SLC2A5: variants seen among roughly 807,000 people sequenced by gnomAD.
SLC2A5 encodes solute carrier family 2 member 5.
In SLC2A5, 56 loss-of-function variants were observed where a neutral mutation model predicts 50.3. The ratio of observed to expected loss-of-function variants is 1.11; its 90% confidence interval spans 0.90 to 1.39. SLC2A5 has a LOEUF of 1.39. Ranked by LOEUF, SLC2A5 falls within the 40% of genes most tolerant of loss-of-function variation. The pLI is 0.00. For synonymous variants in SLC2A5, 269 were observed against 281.9 expected, an observed-to-expected ratio of 0.95 and a Z score of 0.46; for missense variants, 566 against 650.1, an observed-to-expected ratio of 0.87 and a Z score of 1.41.
rs759519221 is a variant in SLC2A5, at chr1:9,040,179, G to C, written c.582C>G (p.Ile194Met). 2.7e-5 allele frequency: 42 copies of C among 1,550,428 alleles called. No individual in the cohort carries two copies. Among genetic ancestry groups the C allele is most frequent in the Non-Finnish European group, 3.3e-5 (38 of 1,148,264 alleles). Residue 194 changes from isoleucine to methionine, a missense_variant, in exon 6 of 12, where the codon ATC (isoleucine) becomes ATG (methionine). By Grantham distance (10) the Ile-to-Met change is conservative (BLOSUM62 1). Coordinates refer to ENST00000377424, the MANE Select transcript of SLC2A5 (RefSeq NM_003039.3). The surrounding 1 kb of genome is among the most constrained non-coding windows in gnomAD (Gnocchi z 4.3). The part of the protein sequence containing the change: ...NLLANVDGWP[I>M]LLGLTGVPAA... ...CGGGGACCCCGGTCAGCCCCAGCAGGATCGGCCAGCCTGGGAGGAAGGCAG... is the reference window on the plus strand; with the variant it reads ...CGGGGACCCCGGTCAGCCCCAGCAGCATCGGCCAGCCTGGGAGGAAGGCAG...
chr1:9,038,919 AC>A lies in SLC2A5; in HGVS notation c.1006del (p.Val336TrpfsTer19), dbSNP rs757183051. ...CAGCAGCCTCCGACCCAGGAGCTCC[AC>A]CACGAACACCTACAGGAGGGTGGCA... is the stretch of plus-strand genomic sequence containing the variant. ...VVMTFCAVFV[V>X]ELLGRRLLLL... On this transcript the variant is annotated frameshift_variant, in exon 9 of 12. Transcript: ENST00000377424. LOFTEE classifies it high-confidence loss of function. 4.3e-6 allele frequency: 7 copies of A among 1,612,486 alleles called. No individual in the cohort carries two copies. In the South Asian group the frequency reaches 7.7e-5, roughly 18 times the overall value.
intron 1 of SLC2A5, among the ~76,000 whole-genome samples, chr1:9,059,703 A>T (rs1641858921): frequency 6.6e-6 from 1 of 151,370 alleles, no homozygotes; most frequent in Admixed American, 6.6e-5. Context: ...CTAATTAAAA[A>T]ATATATTTTT....
intron 4 of SLC2A5, 38 bp from the exon 5 acceptor site, chr1:9,041,975 T>C (rs753800400): frequency 1.4e-5 from 22 of 1,535,326 alleles, no homozygotes; most frequent in Non-Finnish European, 1.9e-5. Context: ...TCAGAAAAAA[T>C]TAGTCTGGCA....
At chr1:9,039,155 G>T (rs776908394) in intron 8 of SLC2A5, among the ~76,000 whole-genome samples, 1 of 152,220 alleles carries the variant, frequency 6.6e-6, no homozygotes, top group Non-Finnish European at 1.5e-5. Context: ...CAGCTCTAGG[G>T]CCTCCTAATC....
chr1:9,089,761 C>A (rs1407271423), upstream of SLC2A5, among the ~76,000 whole-genome samples: 2 of 152,196 alleles, frequency 1.3e-5, no homozygotes, highest in African/African-American at 2.4e-5. Context: ...AAATGGACTG[C>A]CCCCAATGGG....
At chr1:9,050,784 G>C (rs1041991537) in intron 3 of SLC2A5, among the ~76,000 whole-genome samples, 10 of 151,984 alleles carry the variant, frequency 6.6e-5, no homozygotes, top group African/African-American at 2.2e-4. Flanking sequence ...AGGGAAGTTG[G>C]GTAATAGTCT....
At chr1:9,041,600 C>A (rs1053362386) in intron 5 of SLC2A5, 185 bp downstream of exon 5, 2 of 1,447,752 alleles carry the variant, frequency 1.4e-6, no homozygotes, top group African/African-American at 2.9e-5. Context: ...AGTCCCTTAT[C>A]GCGCCTTTGT....
chr1:9,086,149 A>G (rs1249658475), intron 1 of SLC2A5, among the ~76,000 whole-genome samples: 2 of 152,164 alleles, frequency 1.3e-5, no homozygotes, highest in African/African-American at 4.8e-5. Flanking sequence ...TAGCAGGGAT[A>G]ATGACAGCTG....
intron 4 of SLC2A5, among the ~76,000 whole-genome samples, chr1:9,044,617 C>T (rs578245442): frequency 8.6e-4 from 131 of 152,152 alleles, no homozygotes; most frequent in African/African-American, 3.1e-3. Context: ...TACAGTGGCA[C>T]GATCTCGGCT....
chr1:9,046,665 C>CGT (rs55827239), intron 4 of SLC2A5, among the ~76,000 whole-genome samples: 7,794 of 147,252 alleles, frequency 0.053, 275 homozygotes, highest in African/African-American at 0.11. Context: ...ACCTGGTTCT[C>CGT]GTGTGTGTGT....
At chr1:9,066,560 A>G (rs981910633) in intron 1 of SLC2A5, among the ~76,000 whole-genome samples, 1 of 151,970 alleles carries the variant, frequency 6.6e-6, no homozygotes, top group Non-Finnish European at 1.5e-5. Flanking sequence ...GTTGTAAAAT[A>G]CCTTGTTGTA....
intron 2 of SLC2A5, among the ~76,000 whole-genome samples, 191 bp downstream of exon 2, chr1:9,057,961 A>G (rs890392040): frequency 2.0e-5 from 3 of 152,168 alleles, no homozygotes; most frequent in African/African-American, 7.2e-5. Flanking sequence ...CTGTGTGTCC[A>G]TCCAGACCTG....
rs765076168 is a variant in SLC2A5 at position 9,040,064 on chromosome 1, C to G, written c.697G>C (p.Ala233Pro). 3.2e-6 allele frequency: 5 copies of G among 1,586,996 alleles called. No individual in the cohort carries two copies. The highest frequency in any genetic ancestry group is 4.3e-6 in the Non-Finnish European group (5 of 1,164,396). ...QKKDEAAAKK[A>P]LQTLRGWDSV... The stretch of plus-strand genomic sequence containing the variant: ...CCGCCCCCGCCAGAGCCCTCGTTAC[C>G]TTTCTTGGCGGCCGCTTCGTCTTTC... The change falls in exon 6 of 12, where the codon GCC becomes CCC. Residue 233 changes from alanine (A) to proline (P), a missense_variant and splice_region_variant. Transcript: ENST00000377424. This position sits in a 1 kb window ranked among gnomAD's most constrained non-coding sequence, Gnocchi z 4.3.
At chr1:9,078,264 G>C (rs944616837) in intron 2 of SLC2A5, among the ~76,000 whole-genome samples, 3 of 152,134 alleles carry the variant, frequency 2.0e-5, no homozygotes, top group African/African-American at 2.4e-5. Context: ...TCTTGGTTTC[G>C]GTGGGTTTTT....
chr1:9,047,559 C>G (rs1442708227), intron 4 of SLC2A5, 51 bp downstream of exon 4: 1 of 1,594,306 alleles, frequency 6.3e-7, no homozygotes, highest in South Asian at 1.1e-5. Flanking sequence ...ACCTGTTGTC[C>G]TCCTCCTTGA....
chr1:9,075,668 T>G (rs1642274119), intron 2 of SLC2A5, among the ~76,000 whole-genome samples: 1 of 152,142 alleles, frequency 6.6e-6, no homozygotes, highest in Non-Finnish European at 1.5e-5. Context: ...ATTTTCAATT[T>G]TTTTTTTTTG....
intron 2 of SLC2A5, among the ~76,000 whole-genome samples, chr1:9,076,300 C>G (rs1642282960): frequency 1.3e-5 from 2 of 152,052 alleles, no homozygotes; most frequent in African/African-American, 4.8e-5. Flanking sequence ...AGTGAAAGGC[C>G]CAAAGACCCT....
intron 2 of SLC2A5, among the ~76,000 whole-genome samples, chr1:9,084,362 G>A (rs939623816): frequency 2.0e-5 from 3 of 152,156 alleles, no homozygotes; most frequent in Non-Finnish European, 4.4e-5. Context: ...GAGTAGGCCC[G>A]AACTCTCCTT....
At chr1:9,067,266 G>A (rs1246758209) in intron 1 of SLC2A5, among the ~76,000 whole-genome samples, 2 of 152,204 alleles carry the variant, frequency 1.3e-5, no homozygotes, top group African/African-American at 4.8e-5. Flanking sequence ...CTCCCCAAGG[G>A]GCAGGCTGCT....
Sources: allele counts gnomAD v4.1 joint callset (sites outside exome capture counted in the v4.1 genomes callset), GRCh38; gene constraint gnomAD v4.1.1; non-coding constraint Gnocchi (gnomAD v3.1); transcripts MANE v1.5; gene names NCBI Gene and HGNC (gene_info 2026-07-23, HGNC 2026-07-21).